The following SHQ1 variants were observed in gnomAD, a reference collection of about 807,000 sequenced individuals.
SHQ1 encodes the protein SHQ1, H/ACA ribonucleoprotein assembly factor, also known as protein SHQ1 homolog.
Under a neutral mutation model 53.8 loss-of-function variants are expected in SHQ1, and 49 were observed. The observed-to-expected ratio is 0.91, with a 90% confidence interval of 0.72 to 1.16. SHQ1 has a LOEUF of 1.16. Among genes scored for constraint, SHQ1 ranks in the 50% most tolerant of loss-of-function variants. The pLI is 0.00. For missense variants in SHQ1, 738 were observed against 683.1 expected (o/e 1.08, Z -0.90); for synonymous variants, 243 against 251.0 (o/e 0.97, Z 0.30).
At chr3:72,804,469 G>A (rs751602507) in intron 9 of SHQ1, among the ~76,000 whole-genome samples, 28 of 127,752 alleles carry the variant, frequency 2.2e-4, no homozygotes, top group Non-Finnish European at 2.5e-4. Flanking sequence ...GTTGTTGCCC[G>A]TGTCCATGTG....
chr3:72,808,404 T>G (rs919107606), intron 9 of SHQ1, among the ~76,000 whole-genome samples: 2 of 152,128 alleles, frequency 1.3e-5, no homozygotes, highest in Non-Finnish European at 2.9e-5. Context: ...TATTTCAATA[T>G]ATGTAAGTGC....
intron 1 of SHQ1, among the ~76,000 whole-genome samples, chr3:72,844,879 A>C (rs1306092413): frequency 6.6e-6 from 1 of 152,228 alleles, no homozygotes. Context: ...AAAAAATTAC[A>C]TAAAACTATC....
At chr3:72,840,927 A>C (rs1708161263) in intron 4 of SHQ1, 118 bp downstream of exon 4, 1 of 1,231,188 alleles carries the variant, frequency 8.1e-7, no homozygotes, top group Admixed American at 2.4e-5. Context: ...AAGTGCTTTA[A>C]ATACAATCAC....
At chr3:72,789,333 T>C (rs1458389533) in intron 10 of SHQ1, among the ~76,000 whole-genome samples, 1 of 152,208 alleles carries the variant, frequency 6.6e-6, no homozygotes, top group Non-Finnish European at 1.5e-5. Context: ...TAGTGATGGA[T>C]ATCATAAAAA....
chr3:72,815,271 A>G, intron 8 of SHQ1, 79 bp downstream of exon 8: 1 of 1,183,844 alleles, frequency 8.4e-7, no homozygotes, highest in Non-Finnish European at 1.3e-6. Flanking sequence ...AATTGCTTGA[A>G]TTACCCCAAA....
chr3:72,772,659 T>TCTTGATGGTGCTTCCATCAAGTAAGAG, intron 10 of SHQ1: 1 of 715,796 alleles, frequency 1.4e-6, no homozygotes, highest in Non-Finnish European at 2.6e-6. Flanking sequence ...TACTAGACAA[T>TCTTGATGGTGCTTCCATCAAGTAAGAG]CTTGATGGTG....
intron 6 of SHQ1, among the ~76,000 whole-genome samples, chr3:72,822,424 C>T (rs916524920): frequency 2.6e-5 from 4 of 152,262 alleles, no homozygotes; most frequent in South Asian, 2.1e-4. Context: ...GCTAAAATTA[C>T]ACAAAGAAGA....
intron 1 of SHQ1, among the ~76,000 whole-genome samples, chr3:72,847,317 G>A (rs1432529105): frequency 2.6e-5 from 4 of 152,168 alleles, no homozygotes; most frequent in African/African-American, 4.8e-5. Flanking sequence ...GGGAAAAGTA[G>A]GATGCAGCTA....
At chr3:72,771,103 G>A (rs138261093) in intron 10 of SHQ1, among the ~76,000 whole-genome samples, 2 of 152,056 alleles carry the variant, frequency 1.3e-5, no homozygotes, top group East Asian at 3.9e-4. Flanking sequence ...AGAGTACAAA[G>A]TTCTGACCTC....
intron 10 of SHQ1, chr3:72,752,990 C>CTAGATTTATAA (rs1173056173): frequency 3.2e-5 from 32 of 985,222 alleles, no homozygotes; most frequent in Non-Finnish European, 1.1e-5. Context: ...AAATTACCTG[C>CTAGATTTATAA]TAGATTTATA....
Position 72,769,590 on chromosome 3 carries a change from C to CT in SHQ1, c.1182-18755_1182-18754insA, listed in dbSNP as rs1247670176. ...TTTCTGTGCCTGGTCAGATCCCACC[C>CT]ATCTTTAGTTCCCTGTTCAAGACTT... On this transcript the variant is annotated intron_variant, in intron 10 of 10. Transcript: ENST00000325599. 3.9e-5 allele frequency among the ~76,000 whole-genome samples: 6 copies of CT among 152,156 alleles called. No individual in the cohort carries two copies. The East Asian group carries it at 1.2e-3, about 29-fold the overall frequency.
intron 5 of SHQ1, among the ~76,000 whole-genome samples, chr3:72,828,409 T>C (rs990324005): frequency 1.3e-5 from 2 of 151,956 alleles, no homozygotes; most frequent in Non-Finnish European, 2.9e-5. Context: ...TGAGAAGCAG[T>C]GTGGGTTGGG....
At chr3:72,730,260 C>T in the SHQ1 span, among the ~76,000 whole-genome samples, 2 of 152,138 alleles carry the variant, frequency 1.3e-5, no homozygotes, top group South Asian at 4.1e-4. Context: ...GGACTACAGA[C>T]ATGTGTCACC....
chr3:72,748,329 CAAAA>C (rs572927520), downstream of SHQ1, among the ~76,000 whole-genome samples: 35 of 58,738 alleles, frequency 6.0e-4, no homozygotes, highest in African/African-American at 2.3e-3. Context: ...ATGAGGCATG[CAAAA>C]AAAAAAAAAA....
Position 72,832,475 on chromosome 3 carries a change from GT to G in SHQ1, c.492del (p.Glu164AspfsTer2). The G allele has an allele frequency of 3.7e-6, 6 of 1,604,536 alleles. No homozygotes were observed. Among genetic ancestry groups the G allele is most frequent in the Non-Finnish European group, 5.1e-6 (6 of 1,175,482 alleles). On this transcript the variant is annotated frameshift_variant, in exon 5 of 11. Transcript: ENST00000325599. LOFTEE classifies it high-confidence loss of function. Reference protein sequence around the residue: ...RSGVLQRLQDELSDVIDIKDP... With the variant: ...RSGVLQRLQDXLSDVIDIKDP... ...TCCTTAATATCAATAACATCACTCA[GT>G]TCATCCTGAGGACACCCAGAAAAGA...
chr3:72,742,621 T>TTTC, the SHQ1 span, among the ~76,000 whole-genome samples: 4 of 145,260 alleles, frequency 2.8e-5, no homozygotes, highest in African/African-American at 1.0e-4. Flanking sequence ...CTTTTTTTCT[T>TTTC]TTTTTTTTTT....
chr3:72,780,678 C>T (rs1706052497), intron 10 of SHQ1, among the ~76,000 whole-genome samples: 1 of 152,182 alleles, frequency 6.6e-6, no homozygotes, highest in Non-Finnish European at 1.5e-5. Flanking sequence ...GATACATACA[C>T]ACCGAAAGTG....
At chr3:72,764,621 T>C (rs921325400) in intron 10 of SHQ1, among the ~76,000 whole-genome samples, 1 of 152,334 alleles carries the variant, frequency 6.6e-6, no homozygotes, top group South Asian at 2.1e-4. Flanking sequence ...TTTCTTTCTT[T>C]GATAAAGCCT....
rs1705882849 is a variant in SHQ1 at position 72,772,806 on chromosome 3, T to A, written c.1181+20110A>T. The stretch of plus-strand genomic sequence containing the variant: ...ATGATCTTGATGGAGTGCCTTTGGA[T>A]GCAACTGAAAACTCAGAGAAGAATG... On this transcript the variant is annotated intron_variant, in intron 10 of 10. Transcript: ENST00000325599. 9 of 766,014 alleles carry A rather than the reference T, an allele frequency of 1.2e-5. No homozygotes were observed. The South Asian group carries it at 1.2e-4, about 10-fold the overall frequency. 47.5% of individuals were successfully genotyped at this position (766,014 alleles called of 1,614,324 possible). A position where few individuals can be genotyped will look rare whatever the true frequency, so the allele number is the denominator to read the frequency against.
Sources: gnomAD v4.1 joint callset for allele counts (sites outside exome capture counted in the v4.1 genomes callset) on GRCh38, gnomAD v4.1.1 for gene constraint, MANE v1.5 for transcripts, NCBI Gene and HGNC (gene_info 2026-07-23, HGNC 2026-07-21) for gene names.